AFF3: variants seen among roughly 807,000 people sequenced by gnomAD.
The protein encoded by AFF3 is ALF transcription elongation factor 3.
AFF3 carries 32 observed loss-of-function variants against 129.7 expected under a neutral mutation model. That is an observed-to-expected ratio of 0.25 (90% CI 0.19 to 0.33). The LOEUF (loss-of-function observed/expected upper bound fraction) is 0.33. Among genes scored for constraint, AFF3 ranks in the 10% least tolerant of loss-of-function variants. AFF3 has a pLI of 1.00. For synonymous variants in AFF3, 644 were observed against 635.4 expected (o/e 1.01, Z -0.20); for missense variants, 1,373 against 1,592.0 (o/e 0.86, Z 2.34).
At position 99,647,029 on chromosome 2, in the gene AFF3, C is replaced by T. The variant is rs190849542; in HGVS notation, c.1184+2597G>A. Among the ~76,000 whole-genome samples the T allele has an allele frequency of 2.6e-3, 392 of 152,232 alleles. 1 individual carries two copies. The highest frequency in any genetic ancestry group is 4.6e-3 in the Non-Finnish European group (313 of 68,026). On this transcript the variant is annotated intron_variant, in intron 13 of 24. Coordinates refer to ENST00000672756, the MANE Select transcript of AFF3 (RefSeq NM_001386135.1). ...ATGCTGGAGAGCCTGTGGAGAAAAA[C>T]GAATGCTTGTACACTGTTGGTGGGA...
chr2:100,134,440 T>G (rs1325082772), intron 1 of AFF3, among the ~76,000 whole-genome samples: 1 of 152,230 alleles, frequency 6.6e-6, no homozygotes, highest in African/African-American at 2.4e-5. Context: ...GCTGTCATTA[T>G]ATATTGAAGT....
intron 7 of AFF3, among the ~76,000 whole-genome samples, chr2:99,976,406 C>T (rs753177369): frequency 4.9e-4 from 75 of 152,260 alleles, no homozygotes; most frequent in Non-Finnish European, 9.3e-4. Flanking sequence ...TGGCATCGTT[C>T]CCGCAGATAT....
chr2:99,774,487 G>A (rs901258699), intron 8 of AFF3, among the ~76,000 whole-genome samples: 5 of 152,074 alleles, frequency 3.3e-5, no homozygotes, highest in East Asian at 3.8e-4. Context: ...AACAAGCAAC[G>A]GAGAAAGGAT....
intron 4 of AFF3, among the ~76,000 whole-genome samples, chr2:100,085,868 T>A (rs1433914370): frequency 1.3e-5 from 2 of 151,104 alleles, no homozygotes; most frequent in African/African-American, 2.4e-5. Flanking sequence ...GCATGGTGTG[T>A]TATGCATAGA....
intron 7 of AFF3, among the ~76,000 whole-genome samples, chr2:99,964,175 C>A (rs1326701884): frequency 6.6e-6 from 1 of 152,018 alleles, no homozygotes; most frequent in Non-Finnish European, 1.5e-5. Context: ...GACTTAAATA[C>A]CCTACTTTCA....
intron 7 of AFF3, among the ~76,000 whole-genome samples, chr2:99,945,756 GGATAATTGATATA>G (rs1049343856): frequency 6.6e-6 from 1 of 152,146 alleles, no homozygotes; most frequent in African/African-American, 2.4e-5. Flanking sequence ...ACTCTGAGAT[GGATAATTGATATA>G]GAAGCCATAC....
intron 4 of AFF3, among the ~76,000 whole-genome samples, chr2:100,038,367 T>TAC (rs1685148297): frequency 6.9e-6 from 1 of 144,666 alleles, no homozygotes; most frequent in Non-Finnish European, 1.5e-5. Flanking sequence ...TATATTTTCC[T>TAC]CAAATTAAAA....
intron 7 of AFF3, among the ~76,000 whole-genome samples, chr2:99,852,404 G>A (rs866372011): frequency 6.6e-6 from 1 of 152,000 alleles, no homozygotes; most frequent in Non-Finnish European, 1.5e-5. Context: ...GAACACTCCC[G>A]GAAAAACCCT....
intron 4 of AFF3, among the ~76,000 whole-genome samples, chr2:100,062,766 C>T (rs988813015): frequency 6.6e-6 from 1 of 152,168 alleles, no homozygotes; most frequent in African/African-American, 2.4e-5. Context: ...CAAATATGAG[C>T]TAGCAATTAA....
chr2:99,580,621 G>A (rs1283384361), intron 17 of AFF3, among the ~76,000 whole-genome samples: 3 of 152,234 alleles, frequency 2.0e-5, no homozygotes, highest in East Asian at 3.9e-4. Context: ...GAGGCCGGGC[G>A]CGGTGGCTCA....
At chr2:99,905,377 TGGTC>T (rs1694637733) in intron 7 of AFF3, among the ~76,000 whole-genome samples, 1 of 152,188 alleles carries the variant, frequency 6.6e-6, no homozygotes, top group Non-Finnish European at 1.5e-5. Flanking sequence ...AGGCCAAGGA[TGGTC>T]ACCCATGAGC....
intron 13 of AFF3, among the ~76,000 whole-genome samples, chr2:99,648,936 C>CTCTCTCTCTG (rs1252297758): frequency 6.7e-6 from 1 of 148,362 alleles, no homozygotes; most frequent in African/African-American, 2.5e-5. Flanking sequence ...CTCTCTCTCT[C>CTCTCTCTCTG]TCCAATCTTA....
At chr2:100,045,600 G>A (rs1172521937) in intron 4 of AFF3, among the ~76,000 whole-genome samples, 1 of 148,196 alleles carries the variant, frequency 6.7e-6, no homozygotes, top group Non-Finnish European at 1.5e-5. Flanking sequence ...TACAGCAAAT[G>A]TGCCTGCCTC....
At chr2:99,610,507 T>C (rs1415811544) in intron 13 of AFF3, among the ~76,000 whole-genome samples, 9 of 152,220 alleles carry the variant, frequency 5.9e-5, no homozygotes, top group African/African-American at 2.2e-4. Context: ...AATATATCCA[T>C]AGCTTGTTTC....
At chr2:99,761,080 C>T (rs1682544803) in intron 8 of AFF3, among the ~76,000 whole-genome samples, 1 of 151,894 alleles carries the variant, frequency 6.6e-6, no homozygotes, top group African/African-American at 2.4e-5. Flanking sequence ...TTAGATACTC[C>T]AGGTGATGGA....
At chr2:100,126,006 C>T (rs1692173555) in intron 2 of AFF3, among the ~76,000 whole-genome samples, 1 of 152,098 alleles carries the variant, frequency 6.6e-6, no homozygotes, top group African/African-American at 2.4e-5. Flanking sequence ...TGGCCTGGAC[C>T]TTTGGATTTG....
chr2:100,138,493 G>C (rs1692720007), intron 1 of AFF3, among the ~76,000 whole-genome samples: 1 of 152,176 alleles, frequency 6.6e-6, no homozygotes, highest in Admixed American at 6.5e-5. Context: ...ATTTTGTTCA[G>C]CATAGCCTGA....
chr2:99,724,271 CTTT>C lies in AFF3; in HGVS notation c.1091+2803_1091+2805del, dbSNP rs58303232. The stretch of plus-strand genomic sequence containing the variant: ...TCCTCACTTCAGTGGAATGACCTTT[CTTT>C]TTTTTTTTTTTTTTTTGAGACACAG... On this transcript the variant is annotated intron_variant, in intron 11 of 24. Transcript: ENST00000672756. Among the ~76,000 whole-genome samples the C allele has an allele frequency of 3.1e-4, 21 of 66,862 alleles. 1 individual carries two copies. The highest frequency in any genetic ancestry group is 1.0e-3 in the African/African-American group (16 of 15,264). 43.9% of individuals were successfully genotyped at this position (66,862 alleles called of 152,430 possible).
intron 7 of AFF3, among the ~76,000 whole-genome samples, chr2:99,933,100 G>A (rs1234029065): frequency 6.6e-6 from 1 of 152,170 alleles, no homozygotes; most frequent in African/African-American, 2.4e-5. Context: ...AGAAGGTGGT[G>A]CAGAAAGGCT....
Sources: allele counts gnomAD v4.1 joint callset (sites outside exome capture counted in the v4.1 genomes callset), GRCh38; gene constraint gnomAD v4.1.1; transcripts MANE v1.5; gene names NCBI Gene and HGNC (gene_info 2026-07-23, HGNC 2026-07-21).